Variants in SLC39A11 observed in about 807,000 individuals in gnomAD.
SLC39A11 encodes zinc transporter ZIP11.
In SLC39A11, 33 loss-of-function variants were observed where a neutral mutation model predicts 36.1. That is an observed-to-expected ratio of 0.91 (90% confidence interval 0.69 to 1.22). SLC39A11 has a LOEUF of 1.22. Ranked by LOEUF, SLC39A11 falls within the 50% of genes most tolerant of loss-of-function variation. The pLI is 0.00. For missense variants in SLC39A11, 432 were observed against 430.3 expected (o/e 1.00, Z -0.03); for synonymous variants, 166 against 170.3 (o/e 0.97, Z 0.20).
At chr17:72,789,754 G>A (rs1458405018) in intron 6 of SLC39A11, among the ~76,000 whole-genome samples, 4 of 152,200 alleles carry the variant, frequency 2.6e-5, no homozygotes, top group African/African-American at 9.7e-5. Context: ...TCCCTGGGGC[G>A]GATGAAATCC....
intron 4 of SLC39A11, among the ~76,000 whole-genome samples, chr17:73,011,477 G>C (rs1277739557): frequency 6.6e-6 from 1 of 152,068 alleles, no homozygotes; most frequent in Non-Finnish European, 1.5e-5. Flanking sequence ...TACTCTGGGG[G>C]CCTGTGGAAA....
intron 4 of SLC39A11, among the ~76,000 whole-genome samples, chr17:73,002,080 A>G (rs1215466873): frequency 6.6e-6 from 1 of 152,154 alleles, no homozygotes; most frequent in Non-Finnish European, 1.5e-5. Flanking sequence ...AGATTGCCAC[A>G]GTCATCAATT....
intron 4 of SLC39A11, among the ~76,000 whole-genome samples, chr17:72,977,859 C>T (rs2087977009): frequency 6.6e-6 from 1 of 152,224 alleles, no homozygotes; most frequent in South Asian, 2.1e-4. Flanking sequence ...AGAGCACGGC[C>T]AGCCACCAGC....
rs141058556 is a variant in SLC39A11 at position 72,792,469 on chromosome 17, G to A, written c.602-55750C>T. ...AAATCTAGCCAGAGCCAGGGAACTC[G>A]CAGCTAAGTCTTTGAGGTTTTGTGA... On this transcript the variant is annotated intron_variant, in intron 6 of 9. Transcript: ENST00000255559. Among the ~76,000 whole-genome samples, 30 of 152,288 alleles carry A rather than the reference G, an allele frequency of 2.0e-4. No homozygotes were observed. The East Asian group carries it at 5.8e-3, about 29-fold the overall frequency.
chr17:72,915,348 C>G (rs906295085), intron 5 of SLC39A11, among the ~76,000 whole-genome samples: 1 of 152,146 alleles, frequency 6.6e-6, no homozygotes, highest in African/African-American at 2.4e-5. Context: ...CAAACTAGCT[C>G]GTTTTAATGC....
intron 6 of SLC39A11, among the ~76,000 whole-genome samples, chr17:72,772,417 A>G (rs866231326): frequency 2.0e-5 from 3 of 152,178 alleles, no homozygotes; most frequent in Admixed American, 6.5e-5. Flanking sequence ...CCAAGTCACT[A>G]AACTACTGGG....
intron 6 of SLC39A11, among the ~76,000 whole-genome samples, chr17:72,751,668 C>T (rs375897078): frequency 1.3e-5 from 2 of 152,108 alleles, no homozygotes; most frequent in Admixed American, 1.3e-4. Flanking sequence ...ATCTTCGCCT[C>T]CTGGATTCAA....
chr17:72,965,400 A>G (rs1299874275), intron 4 of SLC39A11, among the ~76,000 whole-genome samples: 1 of 152,186 alleles, frequency 6.6e-6, no homozygotes, highest in East Asian at 1.9e-4. Context: ...CAACGGTGCA[A>G]AAGTGATATG....
intron 7 of SLC39A11, among the ~76,000 whole-genome samples, chr17:72,711,799 A>G (rs1484520493): frequency 3.3e-5 from 5 of 152,090 alleles, no homozygotes; most frequent in Non-Finnish European, 5.9e-5. Flanking sequence ...TCTGGGGGGA[A>G]TTTTTCTGTA....
At chr17:72,804,415 A>T (rs1260246217) in intron 6 of SLC39A11, among the ~76,000 whole-genome samples, 2 of 152,006 alleles carry the variant, frequency 1.3e-5, no homozygotes, top group Non-Finnish European at 2.9e-5. Context: ...CCCACTCCCC[A>T]CCCAAGTAGA....
intron 4 of SLC39A11, among the ~76,000 whole-genome samples, chr17:72,987,578 C>T (rs2088851638): frequency 6.6e-6 from 1 of 152,132 alleles, no homozygotes; most frequent in African/African-American, 2.4e-5. Context: ...CTCCCCATTC[C>T]CCAAAAAGGG....
chr17:72,803,336 G>A (rs2077156191), intron 6 of SLC39A11, among the ~76,000 whole-genome samples: 1 of 152,220 alleles, frequency 6.6e-6, no homozygotes, highest in African/African-American at 2.4e-5. Context: ...GACCCCAAAG[G>A]CAGACTCTGC....
At chr17:72,810,084 C>CAAAAAAAAA (rs10708067) in intron 6 of SLC39A11, among the ~76,000 whole-genome samples, 2 of 136,706 alleles carry the variant, frequency 1.5e-5, no homozygotes, top group Non-Finnish European at 3.2e-5. Flanking sequence ...ACAAAAACAA[C>CAAAAAAAAA]AAAAAAAAAA....
At chr17:72,813,798 G>A (rs962529614) in intron 6 of SLC39A11, among the ~76,000 whole-genome samples, 2 of 152,220 alleles carry the variant, frequency 1.3e-5, no homozygotes, top group African/African-American at 4.8e-5. Flanking sequence ...AACGCCTTTA[G>A]TTAAGGCAGG....
In SLC39A11 at chr17:73,088,736, T is replaced by C; in HGVS notation, c.29A>G (p.Gln10Arg). The change falls in exon 2 of 10, where the codon CAG becomes CGG. Residue 10 changes from glutamine to arginine, a missense_variant. Coordinates refer to ENST00000255559, the MANE Select transcript of SLC39A11 (RefSeq NM_139177.4). MLQGHSSVFQALLGTFFTWG... is the reference protein window; with the variant it reads MLQGHSSVFRALLGTFFTWG... ...GGTGAAGAAGGTCCCCAGCAAGGCCTGGAACACAGAGCTGTGGCCTTGGAG... is the reference window on the plus strand; with the variant it reads ...GGTGAAGAAGGTCCCCAGCAAGGCCCGGAACACAGAGCTGTGGCCTTGGAG... 6.2e-7 allele frequency: 1 copy of C among 1,610,446 alleles called. No individual in the cohort carries two copies.
chr17:72,932,291 T>TA (rs2084445932), intron 5 of SLC39A11, among the ~76,000 whole-genome samples: 3 of 150,994 alleles, frequency 2.0e-5, no homozygotes, highest in African/African-American at 7.4e-5. Flanking sequence ...TGACCTGTTC[T>TA]TTTATTATTA....
intron 7 of SLC39A11, among the ~76,000 whole-genome samples, chr17:72,680,041 C>CAAAAAAAAAA (rs199650969): frequency 1.4e-5 from 1 of 71,664 alleles, no homozygotes; most frequent in African/African-American, 8.4e-5. Flanking sequence ...GACTCTGTCT[C>CAAAAAAAAAA]AAAAAAAAAA....
chr17:72,875,384 G>T (rs1168410406), intron 5 of SLC39A11, among the ~76,000 whole-genome samples: 5 of 152,176 alleles, frequency 3.3e-5, no homozygotes, highest in African/African-American at 1.2e-4. Flanking sequence ...AATGGCCAGG[G>T]TGACAGCCAC....
chr17:72,906,048 C>G (rs1004055074), intron 5 of SLC39A11, among the ~76,000 whole-genome samples: 4 of 152,176 alleles, frequency 2.6e-5, no homozygotes, highest in African/African-American at 9.7e-5. Context: ...CCACCACACT[C>G]GGCCAAAGAG....
Sources: allele counts gnomAD v4.1 joint callset (sites outside exome capture counted in the v4.1 genomes callset), GRCh38; gene constraint gnomAD v4.1.1; transcripts MANE v1.5; gene names NCBI Gene and HGNC (gene_info 2026-07-23, HGNC 2026-07-21).